The following ALKAL1 variants were observed in gnomAD, a reference collection of about 807,000 sequenced individuals.
ALKAL1 encodes the protein AUG-beta.
A neutral mutation model predicts 13.5 loss-of-function variants in ALKAL1; 23 were observed. That is an observed-to-expected ratio of 1.70 (90% confidence interval 1.23 to 2.41). The LOEUF (loss-of-function observed/expected upper bound fraction) is 2.41, where lower values mean the gene tolerates loss of function less well. ALKAL1 is among the 30% of genes most tolerant of loss of function. The pLI is 0.00. For synonymous variants in ALKAL1, 85 were observed against 77.7 expected, an observed-to-expected ratio of 1.09 and a Z score of -0.49; for missense variants, 181 against 178.4, an observed-to-expected ratio of 1.01 and a Z score of -0.08.
At chr8:52,556,429 C>T (rs562969398) in intron 1 of ALKAL1, among the ~76,000 whole-genome samples, 83 of 151,926 alleles carry the variant, frequency 5.5e-4, no homozygotes, top group Non-Finnish European at 8.7e-4. Context: ...GGGCGGATCA[C>T]GAGGTCAGGA....
At chr8:52,557,692 G>A (rs952337171) in intron 1 of ALKAL1, among the ~76,000 whole-genome samples, 3 of 152,104 alleles carry the variant, frequency 2.0e-5, no homozygotes, top group Non-Finnish European at 2.9e-5. Flanking sequence ...ATTAACAGAC[G>A]TATAAAATAT....
chr8:52,535,368 T>C (rs1267429428), intron 4 of ALKAL1, among the ~76,000 whole-genome samples: 10 of 146,458 alleles, frequency 6.8e-5, no homozygotes, highest in African/African-American at 2.5e-4. Context: ...GGCAGCACAG[T>C]GGGACTCTGT....
chr8:52,540,008 T>G (rs1407923530), intron 2 of ALKAL1, 97 bp from the exon 3 acceptor site: 37 of 994,444 alleles, frequency 3.7e-5, no homozygotes, highest in Admixed American at 6.6e-5. Context: ...AACAGCACTT[T>G]ACATCCTTCC....
At chr8:52,560,506 A>C (rs996178208) in intron 1 of ALKAL1, among the ~76,000 whole-genome samples, 4 of 152,212 alleles carry the variant, frequency 2.6e-5, no homozygotes, top group African/African-American at 9.6e-5. Flanking sequence ...ATAAAACTGA[A>C]GGCCAAAGAA....
intron 1 of ALKAL1, among the ~76,000 whole-genome samples, chr8:52,543,924 C>T (rs1214050892): frequency 6.6e-6 from 1 of 152,104 alleles, no homozygotes; most frequent in African/African-American, 2.4e-5. Context: ...AATGATGACA[C>T]TCAGGTGTGT....
intron 1 of ALKAL1, among the ~76,000 whole-genome samples, chr8:52,547,875 C>A (rs1276271574): frequency 6.6e-6 from 1 of 152,134 alleles, no homozygotes; most frequent in Non-Finnish European, 1.5e-5. Flanking sequence ...AAAGTGTTAC[C>A]ATTTCAACTT....
At chr8:52,556,038 A>G (rs908557534) in intron 1 of ALKAL1, among the ~76,000 whole-genome samples, 1 of 152,174 alleles carries the variant, frequency 6.6e-6, no homozygotes, top group African/African-American at 2.4e-5. Flanking sequence ...ATACTCTGGA[A>G]ATGATGCAAA....
At chr8:52,544,080 A>C (rs1847342970) in intron 1 of ALKAL1, among the ~76,000 whole-genome samples, 1 of 152,018 alleles carries the variant, frequency 6.6e-6, no homozygotes, top group African/African-American at 2.4e-5. Context: ...TGGCTTCCTG[A>C]GGAAAGGGAT....
intron 1 of ALKAL1, among the ~76,000 whole-genome samples, chr8:52,555,221 C>A (rs1000277235): frequency 6.6e-6 from 1 of 151,158 alleles, no homozygotes; most frequent in Non-Finnish European, 1.5e-5. Flanking sequence ...CTGGAGTCAA[C>A]TGGAGTCCCG....
chr8:52,538,296 T>C (rs910458673), intron 4 of ALKAL1, 135 bp downstream of exon 4: 2 of 613,116 alleles, frequency 3.3e-6, no homozygotes, highest in African/African-American at 1.9e-5. Flanking sequence ...GTTTGAGGCA[T>C]ACAAGTATCA....
chr8:52,541,657 T>C (rs1295136620), intron 2 of ALKAL1, among the ~76,000 whole-genome samples: 3 of 151,880 alleles, frequency 2.0e-5, no homozygotes, highest in African/African-American at 7.3e-5. Context: ...TAATCCCAGC[T>C]ATTTGGGAGG....
In ALKAL1 at chr8:52,551,675, T is replaced by C. The variant is rs564197394; in HGVS notation, c.191-9230A>G. ...TTATTTAAAGTTTTTGTAGCAGTGT[T>C]ATTTGGATTTTTTTCTTATTTTCTA... On this transcript the variant is annotated intron_variant, in intron 1 of 4. Transcript: ENST00000358543. Among the ~76,000 whole-genome samples the C allele has an allele frequency of 4.6e-5, 7 of 152,170 alleles. No homozygotes were observed. The East Asian group carries it at 1.3e-3, about 29-fold the overall frequency.
chr8:52,563,556 T>A (rs111243859), intron 1 of ALKAL1, among the ~76,000 whole-genome samples: 1 of 152,252 alleles, frequency 6.6e-6, no homozygotes, highest in Admixed American at 6.5e-5. Flanking sequence ...GTGCCCTCCA[T>A]GTTTCTGTAC....
intron 2 of ALKAL1, 49 bp from the exon 3 acceptor site, chr8:52,539,960 A>T (rs778886905): frequency 4.6e-5 from 71 of 1,547,376 alleles, no homozygotes; most frequent in Admixed American, 6.8e-5. Context: ...CATGTTTTCC[A>T]AACAAATTTC....
intron 1 of ALKAL1, among the ~76,000 whole-genome samples, chr8:52,558,326 T>A (rs1366017945): frequency 8.7e-6 from 1 of 115,344 alleles, no homozygotes; most frequent in African/African-American, 3.5e-5. Flanking sequence ...CCAGCCTGGG[T>A]GACAGAGTCA....
rs945376767 is a variant in ALKAL1, at chr8:52,565,316, G to A, written c.-60C>T. ...GGGAGGATCCCGACGCAGGTCCGGAGGGTGCGCGGCCCAAGAGAAGGCCAG... is the reference window on the plus strand; with the variant it reads ...GGGAGGATCCCGACGCAGGTCCGGAAGGTGCGCGGCCCAAGAGAAGGCCAG... On this transcript the variant is annotated 5_prime_UTR_variant, in exon 1 of 5. Transcript: ENST00000358543. 18 of 1,244,234 alleles carry A rather than the reference G, an allele frequency of 1.4e-5. No homozygotes were observed. In the Admixed American group the frequency reaches 6.7e-4, roughly 46 times the overall value. The allele number at this position is 1,244,234 out of a possible 1,614,324, so 77.1% of individuals were successfully genotyped here.
At chr8:52,564,859 C>A (rs1847583998) in intron 1 of ALKAL1, among the ~76,000 whole-genome samples, 1 of 152,202 alleles carries the variant, frequency 6.6e-6, no homozygotes, top group Non-Finnish European at 1.5e-5. Context: ...GATCCCATTG[C>A]CAGCCGGATT....
intron 4 of ALKAL1, among the ~76,000 whole-genome samples, chr8:52,537,834 C>T (rs1445168479): frequency 2.6e-5 from 4 of 151,530 alleles, no homozygotes; most frequent in South Asian, 2.1e-4. Context: ...CGGTGGCTCA[C>T]GCTTGTAATC....
rs1376367818 is a variant in ALKAL1 at position 52,565,016 on chromosome 8, A to C, written c.190+51T>G. The C allele has an allele frequency of 1.8e-5, 23 of 1,303,292 alleles. No homozygotes were observed. In the Admixed American group the frequency reaches 9.2e-4, roughly 52 times the overall value. 80.7% of individuals were successfully genotyped at this position (1,303,292 alleles called of 1,614,324 possible). A position where few individuals can be genotyped will look rare whatever the true frequency, so the allele number is the denominator to read the frequency against. On this transcript the variant is annotated intron_variant, in intron 1 of 4. Transcript: ENST00000358543. ...CCTCGCCCAGCTCCTAGGGGAATCC[A>C]CGGAGCCCCAGGCGCAGGGCAAAGG...
Sources: gnomAD v4.1 joint callset for allele counts (sites outside exome capture counted in the v4.1 genomes callset) on GRCh38, gnomAD v4.1.1 for gene constraint, MANE v1.5 for transcripts, NCBI Gene and HGNC (gene_info 2026-07-23, HGNC 2026-07-21) for gene names.